The following FMN2 variants were observed in gnomAD, a reference collection of about 807,000 sequenced individuals.
FMN2 encodes formin-2.
Under a neutral mutation model 142.3 loss-of-function variants are expected in FMN2, and 51 were observed. The ratio of observed to expected loss-of-function variants is 0.36; its 90% CI spans 0.29 to 0.45. The LOEUF (loss-of-function observed/expected upper bound fraction) is 0.45. Among genes scored for constraint, FMN2 ranks in the 20% least tolerant of loss-of-function variants. FMN2 has a pLI of 1.00. For synonymous variants in FMN2, 882 were observed against 869.8 expected, an observed-to-expected ratio of 1.01 and a Z score of -0.25; for missense variants, 1,936 against 2,122.8, an observed-to-expected ratio of 0.91 and a Z score of 1.73.
intron 8 of FMN2, among the ~76,000 whole-genome samples, chr1:240,308,551 G>A (rs898794887): frequency 3.9e-5 from 6 of 152,142 alleles, no homozygotes; most frequent in African/African-American, 1.4e-4. Context: ...GGCCCAACCA[G>A]AAACAGAAAC....
intron 6 of FMN2, among the ~76,000 whole-genome samples, chr1:240,240,628 G>T (rs1479742382): frequency 1.3e-5 from 2 of 152,106 alleles, no homozygotes; most frequent in East Asian, 1.9e-4. Context: ...TTTAGATATG[G>T]TACTCACAAT....
At chr1:240,311,685 T>A (rs557459730) in intron 8 of FMN2, among the ~76,000 whole-genome samples, 1 of 152,352 alleles carries the variant, frequency 6.6e-6, no homozygotes, top group African/African-American at 2.4e-5. Context: ...GACTGATTTT[T>A]TGATAGTTAT....
intron 16 of FMN2, among the ~76,000 whole-genome samples, chr1:240,439,304 A>AAAGAAAGAAAGAAAGAAAGAAAGAAAGG: frequency 6.6e-6 from 1 of 151,026 alleles, no homozygotes; most frequent in South Asian, 2.1e-4. Flanking sequence ...AGAAAGAAAG[A>AAAGAAAGAAAGAAAGAAAGAAAGAAAGG]GTTACATCCT....
chr1:240,326,809 A>T (rs1671188159), intron 8 of FMN2, among the ~76,000 whole-genome samples: 1 of 152,078 alleles, frequency 6.6e-6, no homozygotes, highest in African/African-American at 2.4e-5. Flanking sequence ...TTCCTTTAAG[A>T]CAATAAAGAG....
intron 14 of FMN2, among the ~76,000 whole-genome samples, chr1:240,382,913 C>T (rs1181618324): frequency 6.6e-6 from 1 of 151,910 alleles, no homozygotes; most frequent in African/African-American, 2.4e-5. Context: ...CAAAATTAGG[C>T]ACAATAGATC....
intron 7 of FMN2, among the ~76,000 whole-genome samples, chr1:240,266,517 T>A (rs766867410): frequency 2.0e-5 from 3 of 152,092 alleles, no homozygotes; most frequent in Non-Finnish European, 4.4e-5. Context: ...TCCAGCTGCA[T>A]CCATGTTACT....
At chr1:240,152,111 A>T (rs947439) in intron 2 of FMN2, among the ~76,000 whole-genome samples, 86,375 of 151,702 alleles carry the variant, frequency 0.57, 24,839 homozygotes, top group South Asian at 0.73. Context: ...TCTAAATTAA[A>T]CCCTGCTATC....
At chr1:240,469,028 A>G (rs1359892469) in intron 16 of FMN2, among the ~76,000 whole-genome samples, 1 of 152,158 alleles carries the variant, frequency 6.6e-6, no homozygotes, top group Non-Finnish European at 1.5e-5. Context: ...ATTTGCTGGG[A>G]AGCTTAGGAG....
At chr1:240,392,664 A>G in intron 15 of FMN2, 102 bp downstream of exon 15, 1 of 923,430 alleles carries the variant, frequency 1.1e-6, no homozygotes, top group Non-Finnish European at 1.6e-6. Context: ...TTTCAAGCAT[A>G]AAACAAAAAT....
intron 2 of FMN2, among the ~76,000 whole-genome samples, chr1:240,164,378 A>G (rs376845023): frequency 2.0e-5 from 3 of 152,098 alleles, no homozygotes; most frequent in African/African-American, 7.2e-5. Context: ...AATTCTTTCT[A>G]TATTATCTCC....
intron 13 of FMN2, among the ~76,000 whole-genome samples, chr1:240,335,638 C>A (rs1050916396): frequency 6.6e-6 from 1 of 152,066 alleles, no homozygotes; most frequent in African/African-American, 2.4e-5. Context: ...GATAAAGGAG[C>A]GGAATGGGTG....
Position 240,091,940 on chromosome 1 carries a change from C to A in FMN2, c.-170C>A, listed in dbSNP as rs1261028514. On this transcript the variant is annotated 5_prime_UTR_variant, in exon 1 of 18. Coordinates refer to ENST00000319653, the MANE Select transcript of FMN2 (RefSeq NM_020066.5). ...AGCCGCCGCGCATTATGCAAAGCGGCGGCAGATGCGAGCGGGGCCAGCCGG... is the reference window on the plus strand; with the variant it reads ...AGCCGCCGCGCATTATGCAAAGCGGAGGCAGATGCGAGCGGGGCCAGCCGG... The A allele has an allele frequency of 8.7e-7, 1 of 1,145,962 alleles. No homozygotes were observed. Among genetic ancestry groups the A allele is most frequent in the African/African-American group, 1.6e-5 (1 of 60,746 alleles). 71.0% of individuals were successfully genotyped at this position (1,145,962 alleles called of 1,614,324 possible).
chr1:240,273,295 C>G (rs914938473), intron 7 of FMN2, among the ~76,000 whole-genome samples: 1 of 152,146 alleles, frequency 6.6e-6, no homozygotes, highest in Admixed American at 6.6e-5. Context: ...CAAAGACTTG[C>G]AACAACTGTA....
chr1:240,332,887 A>G (rs1671427502), intron 11 of FMN2, among the ~76,000 whole-genome samples: 1 of 152,176 alleles, frequency 6.6e-6, no homozygotes, highest in Non-Finnish European at 1.5e-5. Flanking sequence ...GTTTCATTGA[A>G]TTACAAGTTG....
At chr1:240,352,904 T>A (rs554962318) in intron 13 of FMN2, among the ~76,000 whole-genome samples, 1 of 152,288 alleles carries the variant, frequency 6.6e-6, no homozygotes, top group Non-Finnish European at 1.5e-5. Context: ...GACCCATCCC[T>A]TTCTACATTT....
At chr1:240,145,468 T>C in intron 2 of FMN2, 1 of 305,820 alleles carries the variant, frequency 3.3e-6, no homozygotes, top group Non-Finnish European at 5.9e-6. Context: ...TTCTTTAGTA[T>C]TGTATTTGAC....
intron 2 of FMN2, among the ~76,000 whole-genome samples, chr1:240,127,322 TC>T (rs1412488247): frequency 6.6e-6 from 1 of 151,632 alleles, no homozygotes; most frequent in East Asian, 1.9e-4. Flanking sequence ...ATCTGCCACG[TC>T]GGCCTCTCAA....
chr1:240,400,798 CGACCACCACA>C lies in FMN2; in HGVS notation c.4910+8237_4910+8246del, dbSNP rs1673956079. The C allele has an allele frequency of 2.0e-5, 3 of 151,952 alleles. No homozygotes were observed. In the South Asian group the frequency reaches 6.2e-4, roughly 32 times the overall value. The allele number at this position is 151,952 out of a possible 1,614,324, so 9.4% of individuals were successfully genotyped here. ...GGCCAAGACTTTCTTTACTTCCCCC[CGACCACCACA>C]CACACACACAATTGAAACAAAATAC... On this transcript the variant is annotated intron_variant, in intron 15 of 17. Transcript: ENST00000319653.
At position 240,218,586 on chromosome 1, in the gene FMN2, A is replaced by G. The variant is rs1666994193; in HGVS notation, c.4065+7351A>G. Among the ~76,000 whole-genome samples the G allele has an allele frequency of 5.9e-5, 9 of 151,966 alleles. No homozygotes were observed. In the South Asian group the frequency reaches 1.5e-3, roughly 25 times the overall value. ...CTAAAAAAAAAAAAATTTTATTTCT[A>G]TCTGGAGCAGATGATGGGAGAGTGT... On this transcript the variant is annotated intron_variant, in intron 6 of 17. Transcript: ENST00000319653.
Sources: allele counts gnomAD v4.1 joint callset (sites outside exome capture counted in the v4.1 genomes callset), GRCh38; gene constraint gnomAD v4.1.1; transcripts MANE v1.5; gene names NCBI Gene and HGNC (gene_info 2026-07-23, HGNC 2026-07-21).